BRCC3: variants seen among roughly 807,000 people sequenced by gnomAD.
The protein encoded by BRCC3 is BRCA1/BRCA2-containing complex subunit 3.
In BRCC3, 15 loss-of-function variants were observed where a neutral mutation model predicts 28.0. That is an observed-to-expected ratio of 0.54 (90% CI 0.36 to 0.82). BRCC3 has a LOEUF of 0.82. BRCC3 is among the 40% of genes least tolerant of loss of function. The pLI, the probability that BRCC3 is intolerant of heterozygous loss-of-function variation, is 0.01. For missense variants in BRCC3, 109 were observed against 225.9 expected, an observed-to-expected ratio of 0.48 and a Z score of 3.32; for synonymous variants, 66 against 80.3, an observed-to-expected ratio of 0.82 and a Z score of 0.95.
At chrX:155,081,500 GTAAA>G (rs1332904698) in intron 5 of BRCC3, among the ~76,000 whole-genome samples, 2 of 111,309 alleles carry the variant, frequency 1.8e-5, no homozygotes, top group African/African-American at 3.3e-5. Context: ...ATTTAAGAAA[GTAAA>G]TAAATGGGAA....
intron 7 of BRCC3, among the ~76,000 whole-genome samples, chrX:155,115,748 G>A (rs2074350453): frequency 8.9e-6 from 1 of 111,898 alleles, no homozygotes; most frequent in South Asian, 3.7e-4. Flanking sequence ...GTATTAATTA[G>A]CTATTTCCCC....
chrX:155,117,630 C>T (rs1024507250), intron 9 of BRCC3, among the ~76,000 whole-genome samples: 1 of 111,801 alleles, frequency 8.9e-6, no homozygotes, highest in African/African-American at 3.3e-5. Context: ...TAACCATATT[C>T]TAAAGCCACA....
At chrX:155,079,113 A>G (rs1032157405) in intron 5 of BRCC3, among the ~76,000 whole-genome samples, 2 of 111,682 alleles carry the variant, frequency 1.8e-5, no homozygotes, top group Non-Finnish European at 3.8e-5. Context: ...CTTTCTTTCT[A>G]CCTTTACCCC....
chrX:155,110,552 A>T (rs2074314789), intron 7 of BRCC3, among the ~76,000 whole-genome samples: 1 of 107,065 alleles, frequency 9.3e-6, no homozygotes, highest in Non-Finnish European at 2.0e-5. Context: ...TACATTAGTA[A>T]TTTTTGTGTT....
chrX:155,115,307 A>G (rs781869860), intron 7 of BRCC3, among the ~76,000 whole-genome samples: 19 of 111,749 alleles, frequency 1.7e-4, no homozygotes, highest in Non-Finnish European at 3.4e-4. Flanking sequence ...AGGTTGTGGT[A>G]TGGGGACTAG....
intron 3 of BRCC3, among the ~76,000 whole-genome samples, chrX:155,076,577 A>C (rs992149644): frequency 9.1e-6 from 1 of 110,116 alleles, no homozygotes; most frequent in Non-Finnish European, 1.9e-5. Flanking sequence ...TGAGGGGGGA[A>C]GTGCCACACT....
At chrX:155,085,090 C>T (rs2074113122) in intron 5 of BRCC3, among the ~76,000 whole-genome samples, 1 of 112,432 alleles carries the variant, frequency 8.9e-6, no homozygotes, top group Admixed American at 9.4e-5. Context: ...CAGAGCAGGT[C>T]TGCCACTTCA....
intron 9 of BRCC3, among the ~76,000 whole-genome samples, chrX:155,118,115 T>C (rs782560967): frequency 2.7e-5 from 3 of 112,112 alleles, no homozygotes; most frequent in Non-Finnish European, 5.6e-5. Context: ...AACAAAAACT[T>C]GTACACAAAT....
At chrX:155,094,906 C>T (rs1320891541) in intron 7 of BRCC3, among the ~76,000 whole-genome samples, 1 of 112,597 alleles carries the variant, frequency 8.9e-6, no homozygotes, top group African/African-American at 3.2e-5. Context: ...AAAATTTCAA[C>T]TTGCATAGAA....
rs148109421 is a variant in BRCC3, at chrX:155,073,992, A to T, written c.195+561A>T. Among the ~76,000 whole-genome samples, 690 of 111,833 alleles carry T rather than the reference A, an allele frequency of 6.2e-3. 3 individuals are homozygous for T. Among genetic ancestry groups the T allele is most frequent in the Non-Finnish European group, 0.011 (567 of 53,135 alleles). On this transcript the variant is annotated intron_variant, in intron 3 of 10. Transcript: ENST00000330045. ...ACCGATGCTTTTGTAAAATACAAAA[A>T]AAATGAATTACTTCCCCTCCTCCCA...
At chrX:155,081,802 T>C (rs1166814195) in intron 5 of BRCC3, among the ~76,000 whole-genome samples, 2 of 111,756 alleles carry the variant, frequency 1.8e-5, no homozygotes, top group African/African-American at 6.5e-5. Flanking sequence ...TTTAAAGGGA[T>C]CATTCCATAA....
chrX:155,074,416 C>T (rs1465244754), intron 3 of BRCC3, among the ~76,000 whole-genome samples: 1 of 111,797 alleles, frequency 8.9e-6, no homozygotes, highest in African/African-American at 3.2e-5. Flanking sequence ...TGGATTATTT[C>T]CTGGTGCTTA....
chrX:155,105,383 T>C (rs185257119), intron 7 of BRCC3, among the ~76,000 whole-genome samples: 774 of 111,684 alleles, frequency 6.9e-3, no homozygotes, highest in Middle Eastern at 0.014. Context: ...CTCGGGAGGC[T>C]GAGGCAGGAG....
intron 5 of BRCC3, among the ~76,000 whole-genome samples, chrX:155,088,432 C>T (rs1196296901): frequency 9.4e-6 from 1 of 106,344 alleles, no homozygotes; most frequent in Non-Finnish European, 1.9e-5. Context: ...CGGCTCACTG[C>T]AACCTCTGCC....
Position 155,071,541 on chromosome X carries a change from T to G in BRCC3, c.14T>G (p.Val5Gly). 1 of 1,205,162 alleles carries G rather than the reference T, an allele frequency of 8.3e-7. No individual in the cohort carries two copies. The highest frequency in any genetic ancestry group is 1.1e-6 in the Non-Finnish European group (1 of 892,185). The change falls in exon 1 of 11, where the codon GTG becomes GGG. Residue 5 changes from valine to glycine, a missense_variant. By Grantham distance (109) the Val-to-Gly change is moderately radical. This residue lies in a region of BRCC3 where 58 missense variants were observed against 92.8 expected (regional missense o/e 0.63). Coordinates refer to ENST00000330045, the MANE Select transcript of BRCC3 (RefSeq NM_001018055.3). MAVQ[V>G]VQAVQAVHLE... ...GGTCGGGCCAAGATGGCGGTGCAGGTGGTGCAGGCGGTGCAGGCGGTTCAT... is the reference window on the plus strand; with the variant it reads ...GGTCGGGCCAAGATGGCGGTGCAGGGGGTGCAGGCGGTGCAGGCGGTTCAT...
chrX:155,096,732 G>C (rs2074212346), intron 7 of BRCC3, among the ~76,000 whole-genome samples: 1 of 112,147 alleles, frequency 8.9e-6, no homozygotes, highest in Non-Finnish European at 1.9e-5. Context: ...CAAAGCTGGA[G>C]AAATCACACT....
chrX:155,103,569 T>G (rs1335235617), intron 7 of BRCC3, among the ~76,000 whole-genome samples: 6 of 112,392 alleles, frequency 5.3e-5, no homozygotes, highest in African/African-American at 1.9e-4. Flanking sequence ...TAAGGCTTCT[T>G]TTAAGATTTT....
chrX:155,073,240 C>T, intron 2 of BRCC3, 137 bp from the exon 3 acceptor site: 1 of 677,056 alleles, frequency 1.5e-6, no homozygotes, highest in Non-Finnish European at 2.2e-6. Context: ...GCTCTAGCCT[C>T]AATTCAGTTT....
intron 1 of BRCC3, 145 bp downstream of exon 1, chrX:155,071,795 G>A: frequency 2.8e-6 from 2 of 705,982 alleles, no homozygotes; most frequent in Non-Finnish European, 4.1e-6. Flanking sequence ...GCTCTGTCGC[G>A]GGGAGCCCCG....
Sources: gnomAD v4.1 joint callset for allele counts (sites outside exome capture counted in the v4.1 genomes callset) on GRCh38, gnomAD v4.1.1 for gene constraint, gnomAD v4.1.1 regional missense constraint, MANE v1.5 for transcripts, NCBI Gene and HGNC (gene_info 2026-07-23, HGNC 2026-07-21) for gene names.